Variants in CMSS1 observed in about 807,000 individuals in gnomAD.
CMSS1 encodes protein CMSS1.
A neutral mutation model predicts 43.5 loss-of-function variants in CMSS1; 33 were observed. The ratio of observed to expected loss-of-function variants is 0.76; its 90% confidence interval spans 0.57 to 1.01. The LOEUF is 1.01. Among genes scored for constraint, CMSS1 ranks in the 50% least tolerant of loss-of-function variants. The pLI, the probability that CMSS1 is intolerant of heterozygous loss-of-function variation, is 0.00. For missense variants in CMSS1, 313 were observed against 326.4 expected, an observed-to-expected ratio of 0.96 and a Z score of 0.32; for synonymous variants, 115 against 117.2, an observed-to-expected ratio of 0.98 and a Z score of 0.12.
chr3:99,960,082 A>G (rs1170035635), intron 1 of CMSS1, among the ~76,000 whole-genome samples: 2 of 152,172 alleles, frequency 1.3e-5, no homozygotes, highest in Non-Finnish European at 2.9e-5. Context: ...TCAATGTTAT[A>G]ACGATTGGCT....
chr3:99,967,337 A>G (rs1247427752), intron 1 of CMSS1, among the ~76,000 whole-genome samples: 1 of 152,230 alleles, frequency 6.6e-6, no homozygotes, highest in Non-Finnish European at 1.5e-5. Flanking sequence ...CATTCCTTTC[A>G]CAGAGAGCTC....
intron 1 of CMSS1, among the ~76,000 whole-genome samples, chr3:100,144,101 CG>C (rs968383498): frequency 4.6e-5 from 7 of 152,164 alleles, no homozygotes; most frequent in Admixed American, 1.3e-4. Flanking sequence ...TCTGTGTATA[CG>C]TTTTTTTCTT....
intron 1 of CMSS1, among the ~76,000 whole-genome samples, chr3:99,971,910 G>C (rs905059543): frequency 1.8e-4 from 28 of 152,186 alleles, no homozygotes; most frequent in African/African-American, 6.8e-4. Flanking sequence ...GTACAGGTAG[G>C]ATTATGTAAA....
chr3:100,122,013 G>T (rs984875286), intron 1 of CMSS1, among the ~76,000 whole-genome samples: 2 of 152,178 alleles, frequency 1.3e-5, no homozygotes, highest in African/African-American at 4.8e-5. Flanking sequence ...GATAAGGAAC[G>T]AGTAGCAAGA....
At chr3:100,100,820 GAGA>G (rs1191720166) in intron 1 of CMSS1, among the ~76,000 whole-genome samples, 3 of 152,168 alleles carry the variant, frequency 2.0e-5, no homozygotes, top group Middle Eastern at 3.2e-3. Flanking sequence ...AAGTGCTGTG[GAGA>G]AGGTGTCCTG....
chr3:99,942,036 G>A (rs536912020), intron 1 of CMSS1, among the ~76,000 whole-genome samples: 19 of 152,228 alleles, frequency 1.2e-4, no homozygotes, highest in African/African-American at 4.6e-4. Context: ...CTAACACGGT[G>A]AAACTGTATC....
intron 1 of CMSS1, among the ~76,000 whole-genome samples, chr3:100,033,143 G>A (rs1365396257): frequency 6.6e-6 from 1 of 151,856 alleles, no homozygotes; most frequent in Admixed American, 6.6e-5. Flanking sequence ...ATTTTACTCT[G>A]TGGTTACTGT....
chr3:100,080,235 G>C (rs908075070), intron 1 of CMSS1, among the ~76,000 whole-genome samples: 1 of 151,972 alleles, frequency 6.6e-6, no homozygotes, highest in Non-Finnish European at 1.5e-5. Context: ...CACCTGCCTT[G>C]GCCTCCCAAA....
At chr3:99,841,024 A>G (rs1290939089) in intron 1 of CMSS1, among the ~76,000 whole-genome samples, 1 of 152,244 alleles carries the variant, frequency 6.6e-6, no homozygotes, top group Non-Finnish European at 1.5e-5. Flanking sequence ...AAGGGCAGTG[A>G]ATCTTTCATC....
chr3:100,111,928 A>G (rs79969160), intron 1 of CMSS1, among the ~76,000 whole-genome samples: 6,530 of 152,286 alleles, frequency 0.043, 242 homozygotes, highest in East Asian at 0.17. Context: ...CACAGATTCA[A>G]ATCACTAGTA....
At chr3:100,027,324 A>C (rs1198907871) in intron 1 of CMSS1, among the ~76,000 whole-genome samples, 1 of 152,142 alleles carries the variant, frequency 6.6e-6, no homozygotes, top group Admixed American at 6.6e-5. Context: ...AGCCTCACAC[A>C]TGGTAGGTGT....
intron 1 of CMSS1, among the ~76,000 whole-genome samples, chr3:99,873,644 C>T (rs1402011571): frequency 6.6e-6 from 1 of 152,106 alleles, no homozygotes; most frequent in Non-Finnish European, 1.5e-5. Context: ...ATCTCAAAAT[C>T]CATTTATTAC....
intron 1 of CMSS1, among the ~76,000 whole-genome samples, chr3:100,017,294 T>C (rs922823491): frequency 9.9e-5 from 15 of 152,060 alleles, no homozygotes; most frequent in Non-Finnish European, 1.6e-4. Flanking sequence ...TCAGCAAAGG[T>C]TTTTGGGGCT....
At chr3:99,904,170 C>T (rs924086501) in intron 1 of CMSS1, among the ~76,000 whole-genome samples, 6 of 152,292 alleles carry the variant, frequency 3.9e-5, no homozygotes, top group African/African-American at 1.4e-4. Flanking sequence ...TATTATTGCT[C>T]TTAATGATAA....
At chr3:99,943,026 TAAC>T (rs1414956388) in intron 1 of CMSS1, among the ~76,000 whole-genome samples, 1 of 152,278 alleles carries the variant, frequency 6.6e-6, no homozygotes, top group Admixed American at 6.5e-5. Context: ...GACCTCATTT[TAAC>T]AACATTACCA....
chr3:99,923,832 A>G (rs975503916), intron 1 of CMSS1, among the ~76,000 whole-genome samples: 1 of 152,226 alleles, frequency 6.6e-6, no homozygotes, highest in Admixed American at 6.5e-5. Context: ...ATCATGCCCT[A>G]TGCTGTAGCC....
At chr3:100,042,295 A>G (rs771074634) in intron 1 of CMSS1, among the ~76,000 whole-genome samples, 3 of 152,142 alleles carry the variant, frequency 2.0e-5, no homozygotes, top group Non-Finnish European at 4.4e-5. Flanking sequence ...GTCAATATAA[A>G]CTTGATTTTT....
At chr3:100,089,079 G>A (rs975843196) in intron 1 of CMSS1, among the ~76,000 whole-genome samples, 2 of 152,198 alleles carry the variant, frequency 1.3e-5, no homozygotes, top group East Asian at 1.9e-4. Flanking sequence ...GCATCAGTGA[G>A]GATCATTTTA....
chr3:100,076,122 A>G (rs968708223), intron 1 of CMSS1, among the ~76,000 whole-genome samples: 22 of 152,228 alleles, frequency 1.4e-4, no homozygotes, highest in African/African-American at 5.3e-4. Context: ...TGTATAATTA[A>G]GAAATATATT....
Sources: gnomAD v4.1 joint callset for allele counts (sites outside exome capture counted in the v4.1 genomes callset) on GRCh38, gnomAD v4.1.1 for gene constraint, MANE v1.5 for transcripts, NCBI Gene and HGNC (gene_info 2026-07-23, HGNC 2026-07-21) for gene names.